ZC3H14: variants seen among roughly 807,000 people sequenced by gnomAD.
The protein encoded by ZC3H14 is zinc finger CCCH-type containing 14.
ZC3H14 carries 31 observed loss-of-function variants against 92.4 expected under a neutral mutation model. The observed-to-expected ratio is 0.34, with a 90% CI of 0.25 to 0.45. The LOEUF (loss-of-function observed/expected upper bound fraction) is 0.45. ZC3H14 is among the 20% of genes least tolerant of loss of function. The pLI, the probability that ZC3H14 is intolerant of heterozygous loss-of-function variation, is 1.00. For synonymous variants in ZC3H14, 321 were observed against 300.9 expected (o/e 1.07, Z -0.69); for missense variants, 781 against 897.3 (o/e 0.87, Z 1.66).
In ZC3H14 at chr14:88,626,941, T is replaced by G; in HGVS notation, c.*15190T>G. 1 of 1,613,966 alleles carries G rather than the reference T, an allele frequency of 6.2e-7. No individual in the cohort carries two copies. The highest frequency in any genetic ancestry group is 8.5e-7 in the Non-Finnish European group (1 of 1,179,866). ...AGCTCTTCCTGCCAGGGTCCAGAAC[T>G]TCACATGTTTTACTCCCACTGAGAC... is the stretch of plus-strand genomic sequence containing the variant. On this transcript the variant is annotated 3_prime_UTR_variant, in exon 17 of 17. Coordinates refer to ENST00000251038, the MANE Select transcript of ZC3H14 (RefSeq NM_024824.5).
Position 88,617,974 on chromosome 14 carries a change from T to C in ZC3H14, c.*6223T>C, listed in dbSNP as rs1772496255. ...TCATTAAATTTAGCATTAAGAAAAA[T>C]ATCAGGGTATCTTTAAAGTTAAAAC... On this transcript the variant is annotated 3_prime_UTR_variant, in exon 17 of 17. Transcript: ENST00000251038. The C allele has an allele frequency of 7.1e-6, 2 of 283,518 alleles. No individual in the cohort carries two copies. Among genetic ancestry groups the C allele is most frequent in the Non-Finnish European group, 1.3e-5 (2 of 153,656 alleles). 17.6% of individuals were successfully genotyped at this position (283,518 alleles called of 1,614,324 possible).
rs1328349808 is a variant in ZC3H14, at chr14:88,622,004, C to T, written c.*10253C>T. 1 of 384,434 alleles carries T rather than the reference C, an allele frequency of 2.6e-6. No individual in the cohort carries two copies. The highest frequency in any genetic ancestry group is 5.3e-6 in the Non-Finnish European group (1 of 187,080). 23.8% of individuals were successfully genotyped at this position (384,434 alleles called of 1,614,324 possible). ...CTATCTGGCTGTGTAAACTTGTATC[C>T]TTTAACCAGTCCTTCCCTATCCCCC... is the stretch of plus-strand genomic sequence containing the variant. On this transcript the variant is annotated 3_prime_UTR_variant, in exon 17 of 17. Coordinates refer to ENST00000251038, the MANE Select transcript of ZC3H14 (RefSeq NM_024824.5).
intron 3 of ZC3H14, among the ~76,000 whole-genome samples, chr14:88,570,056 G>T (rs904825183): frequency 1.3e-5 from 2 of 152,028 alleles, no homozygotes; most frequent in Non-Finnish European, 2.9e-5. Context: ...CCGATAACTT[G>T]ATAGAATACT....
At position 88,573,014 on chromosome 14, in the gene ZC3H14, A is replaced by G. The variant is rs758651896; in HGVS notation, c.861+7A>G. Reference sequence around the variant, plus strand: ...GGAGAAAATGAGTATGGAGGTTTGTATGTACTTTTAAATTCTGGCTTAGGC... The same window carrying G: ...GGAGAAAATGAGTATGGAGGTTTGTGTGTACTTTTAAATTCTGGCTTAGGC... On this transcript the variant is annotated splice_region_variant and intron_variant, in intron 6 of 16. Transcript: ENST00000251038. 4.8e-5 allele frequency: 77 copies of G among 1,613,480 alleles called. No individual in the cohort carries two copies. Among genetic ancestry groups the G allele is most frequent in the Non-Finnish European group, 2.0e-5 (24 of 1,180,016 alleles).
chr14:88,610,944 A>C lies in ZC3H14; in HGVS notation c.2204+4A>C, dbSNP rs191598336. The C allele has an allele frequency of 5.9e-4, 949 of 1,613,388 alleles. 12 individuals are homozygous for C. The East Asian group carries it at 0.019, about 33-fold the overall frequency. Reference sequence around the variant, plus strand: ...AATGGATTCGACCTCAAACCAGGTAAACATTCAAATTCGTTTTTCTCATGT... The same window carrying C: ...AATGGATTCGACCTCAAACCAGGTACACATTCAAATTCGTTTTTCTCATGT... On this transcript the variant is annotated splice_donor_region_variant and intron_variant, in intron 16 of 16. Transcript: ENST00000251038.
chr14:88,611,331 G>C (rs1188289483), intron 16 of ZC3H14, among the ~76,000 whole-genome samples: 6 of 152,158 alleles, frequency 3.9e-5, no homozygotes, highest in Non-Finnish European at 7.4e-5. Flanking sequence ...GAGCTGAAGC[G>C]ATATCCTTCC....
chr14:88,588,923 T>C (rs566939466), intron 9 of ZC3H14, among the ~76,000 whole-genome samples: 1 of 152,352 alleles, frequency 6.6e-6, no homozygotes, highest in East Asian at 1.9e-4. Flanking sequence ...CTTTTTCTTG[T>C]TCTATTTTTC....
Position 88,627,387 on chromosome 14 carries a change from T to C in ZC3H14, c.*15636T>C. On this transcript the variant is annotated 3_prime_UTR_variant, in exon 17 of 17. Transcript: ENST00000251038. ...AAATCATTAATAATAAATACATAGT[T>C]TCTTGCTGGAAGAAAATAGCAGTGA... 1 of 481,544 alleles carries C rather than the reference T, an allele frequency of 2.1e-6. No homozygotes were observed. The highest frequency in any genetic ancestry group is 3.7e-6 in the Non-Finnish European group (1 of 273,962). The allele number at this position is 481,544 out of a possible 1,614,324, so 29.8% of individuals were successfully genotyped here.
intron 12 of ZC3H14, among the ~76,000 whole-genome samples, chr14:88,605,895 T>TA (rs2085324991): frequency 6.6e-6 from 1 of 152,188 alleles, no homozygotes; most frequent in Non-Finnish European, 1.5e-5. Flanking sequence ...AGACATTATT[T>TA]TCTCTTTGTA....
At chr14:88,605,301 G>A (rs1319765163) in intron 12 of ZC3H14, among the ~76,000 whole-genome samples, 1 of 152,148 alleles carries the variant, frequency 6.6e-6, no homozygotes, top group Admixed American at 6.5e-5. Context: ...CTTTGGAACC[G>A]ATTATTCTTG....
intron 9 of ZC3H14, among the ~76,000 whole-genome samples, chr14:88,579,041 T>C (rs1248510461): frequency 1.3e-5 from 2 of 152,070 alleles, no homozygotes; most frequent in African/African-American, 4.8e-5. Flanking sequence ...TTCTTTTTTC[T>C]TCTGTTTCTT....
chr14:88,625,463 G>A lies in ZC3H14; in HGVS notation c.*13712G>A, dbSNP rs1427780493. 2 of 182,124 alleles carry A rather than the reference G, an allele frequency of 1.1e-5. No individual in the cohort carries two copies. The highest frequency in any genetic ancestry group is 4.8e-5 in the African/African-American group (2 of 41,858). The allele number at this position is 182,124 out of a possible 1,614,324, so 11.3% of individuals were successfully genotyped here. A position where few individuals can be genotyped will look rare whatever the true frequency, so the allele number is the denominator to read the frequency against. On this transcript the variant is annotated 3_prime_UTR_variant, in exon 17 of 17. Coordinates refer to ENST00000251038, the MANE Select transcript of ZC3H14 (RefSeq NM_024824.5). Reference sequence around the variant, plus strand: ...GTTGCCCAGGCTGGAGTGCAATGGTGCGATCTCAGCTCACCACAACCTCTG... The same window carrying A: ...GTTGCCCAGGCTGGAGTGCAATGGTACGATCTCAGCTCACCACAACCTCTG...
chr14:88,579,873 CATT>C (rs113990599), intron 9 of ZC3H14, among the ~76,000 whole-genome samples: 8,279 of 152,204 alleles, frequency 0.054, 263 homozygotes, highest in Middle Eastern at 0.095. Flanking sequence ...AGCTAGAAGA[CATT>C]ATTTAAATAA....
chr14:88,575,728 A>G, intron 7 of ZC3H14, 112 bp from the exon 8 acceptor site: 2 of 839,904 alleles, frequency 2.4e-6, no homozygotes. Flanking sequence ...TAAAAACTGC[A>G]GCTAGTCTGT....
intron 6 of ZC3H14, chr14:88,573,901 A>G (rs12434399): frequency 0.94 from 143,558 of 152,394 alleles, 68,035 homozygotes; most frequent in Non-Finnish European, 1. Flanking sequence ...ACAGGCATGT[A>G]CCATGGCGCC....
At position 88,622,487 on chromosome 14, in the gene ZC3H14, A is replaced by G; in HGVS notation, c.*10736A>G. Reference sequence around the variant, plus strand: ...CAAAGACAGAGTAATGTTGGCAAGCAAATCCATCGTTATGCATTATTAAGT... The same window carrying G: ...CAAAGACAGAGTAATGTTGGCAAGCGAATCCATCGTTATGCATTATTAAGT... On this transcript the variant is annotated 3_prime_UTR_variant, in exon 17 of 17. Transcript: ENST00000251038. The G allele has an allele frequency of 1.3e-6, 1 of 791,198 alleles. No homozygotes were observed. Among genetic ancestry groups the G allele is most frequent in the Non-Finnish European group, 1.8e-6 (1 of 547,634 alleles). 49.0% of individuals were successfully genotyped at this position (791,198 alleles called of 1,614,324 possible). A position where few individuals can be genotyped will look rare whatever the true frequency, so the allele number is the denominator to read the frequency against.
chr14:88,594,576 G>T (rs1595717307), intron 9 of ZC3H14: 1 of 1,500,014 alleles, frequency 6.7e-7, no homozygotes, highest in East Asian at 2.4e-5. Context: ...CAGGTTTTAA[G>T]ATGTTATTTG....
In ZC3H14 at chr14:88,615,998, G is replaced by T; in HGVS notation, c.*4247G>T. ...TTTTATTCTGTATTTGCATAAATAT[G>T]AGATTCTGAAGAGCCATCTGGTTAT... On this transcript the variant is annotated 3_prime_UTR_variant, in exon 17 of 17. Transcript: ENST00000251038. 1 of 1,272,226 alleles carries T rather than the reference G, an allele frequency of 7.9e-7. No individual in the cohort carries two copies. Among genetic ancestry groups the T allele is most frequent in the South Asian group, 1.4e-5 (1 of 72,748 alleles). The allele number at this position is 1,272,226 out of a possible 1,614,324, so 78.8% of individuals were successfully genotyped here.
intron 2 of ZC3H14, among the ~76,000 whole-genome samples, chr14:88,565,334 G>C (rs2079424609): frequency 6.6e-6 from 1 of 151,914 alleles, no homozygotes; most frequent in Non-Finnish European, 1.5e-5. Flanking sequence ...GTAGAGACAG[G>C]GTTTCACCAT....
Sources: allele counts gnomAD v4.1 joint callset (sites outside exome capture counted in the v4.1 genomes callset), GRCh38; gene constraint gnomAD v4.1.1; transcripts MANE v1.5; gene names NCBI Gene and HGNC (gene_info 2026-07-23, HGNC 2026-07-21).